Variants in TIMM8B observed in about 807,000 individuals in gnomAD.
The protein encoded by TIMM8B is translocase of inner mitochondrial membrane 8 homolog B.
A neutral mutation model predicts 8.5 loss-of-function variants in TIMM8B; 5 were observed. The observed-to-expected ratio is 0.59, with a 90% CI of 0.31 to 1.24. TIMM8B has a LOEUF of 1.24. TIMM8B is among the 50% of genes most tolerant of loss of function. The probability of loss-of-function intolerance (pLI) is 0.07; values close to 1 mark genes in which losing one functional copy is unlikely to be tolerated. For missense variants in TIMM8B, 104 were observed against 109.2 expected (o/e 0.95, Z 0.21); for synonymous variants, 44 against 39.9 (o/e 1.10, Z -0.39).
intron 1 of TIMM8B, 62 bp downstream of exon 1, chr11:112,086,578 C>T (rs1865604269): frequency 6.7e-7 from 1 of 1,497,882 alleles, no homozygotes; most frequent in African/African-American, 1.4e-5. Context: ...GACCTCCGAG[C>T]GTGCCCAGGA....
At chr11:112,086,354 G>GC in intron 1 of TIMM8B, 2 of 604,822 alleles carry the variant, frequency 3.3e-6, no homozygotes, top group Non-Finnish European at 6.1e-6. Flanking sequence ...TCTTTCGAAT[G>GC]CCAGCCCAGT....
At position 112,086,133 on chromosome 11, in the gene TIMM8B, A is replaced by ACC. The variant is rs1865591934; in HGVS notation, c.84+505_84+506dup. On this transcript the variant is annotated intron_variant, in intron 1 of 1. Coordinates refer to ENST00000504148, the MANE Select transcript of TIMM8B (RefSeq NM_012459.4). ...TAGAACCATGTCCGAAGGGCTCCAA[A>ACC]CCCTTGTTCTACATCCATAGTCTAC... 21 of 986,206 alleles carry ACC rather than the reference A, an allele frequency of 2.1e-5. No homozygotes were observed. In the South Asian group the frequency reaches 2.6e-4, roughly 12 times the overall value. 61.1% of individuals were successfully genotyped at this position (986,206 alleles called of 1,614,324 possible).
At position 112,085,129 on chromosome 11, in the gene TIMM8B, TAAATA is replaced by T. The variant is rs1865561231; in HGVS notation, c.*161_*165del. ...CAACCTGGAATTTCTGAATTCCAAA[TAAATA>T]AATTTCACTCTTTGAACATTTCATC... On this transcript the variant is annotated 3_prime_UTR_variant, in exon 2 of 2. Coordinates refer to ENST00000504148, the MANE Select transcript of TIMM8B (RefSeq NM_012459.4). 1 of 491,516 alleles carries T rather than the reference TAAATA, an allele frequency of 2.0e-6. No homozygotes were observed. Among genetic ancestry groups the T allele is most frequent in the African/African-American group, 1.9e-5 (1 of 52,134 alleles). 30.4% of individuals were successfully genotyped at this position (491,516 alleles called of 1,614,324 possible).
rs1017408830 is a variant in TIMM8B at position 112,085,035 on chromosome 11, T to A, written c.*260A>T. 8.6e-5 allele frequency: 28 copies of A among 325,600 alleles called. No individual in the cohort carries two copies. The Middle Eastern group carries it at 5.4e-3, about 62-fold the overall frequency. The allele number at this position is 325,600 out of a possible 1,614,324, so 20.2% of individuals were successfully genotyped here. The stretch of plus-strand genomic sequence containing the variant: ...TGTTCCTGCCAATCAGAGATCTCTA[T>A]ATTAAATTCTAAAATGGGATTAAAA... On this transcript the variant is annotated 3_prime_UTR_variant, in exon 2 of 2. Coordinates refer to ENST00000504148, the MANE Select transcript of TIMM8B (RefSeq NM_012459.4).
chr11:112,085,968 A>C, intron 1 of TIMM8B: 2 of 1,082,942 alleles, frequency 1.8e-6, no homozygotes, highest in Non-Finnish European at 2.3e-6. Flanking sequence ...CCATTTTACC[A>C]AGAGCTTACT....
chr11:112,086,111 A>G lies in TIMM8B; in HGVS notation c.84+529T>C, dbSNP rs565459130. The G allele has an allele frequency of 8.5e-6, 10 of 1,176,630 alleles. No individual in the cohort carries two copies. In the African/African-American group the frequency reaches 1.6e-4, roughly 19 times the overall value. The allele number at this position is 1,176,630 out of a possible 1,614,324, so 72.9% of individuals were successfully genotyped here. On this transcript the variant is annotated intron_variant, in intron 1 of 1. Transcript: ENST00000504148. Reference sequence around the variant, plus strand: ...CCAGCAAGAAGTCAGGCCGCGTTAGAACCATGTCCGAAGGGCTCCAAACCC... The same window carrying G: ...CCAGCAAGAAGTCAGGCCGCGTTAGGACCATGTCCGAAGGGCTCCAAACCC...
chr11:112,085,123 T>C lies in TIMM8B; in HGVS notation c.*172A>G. On this transcript the variant is annotated 3_prime_UTR_variant, in exon 2 of 2. Coordinates refer to ENST00000504148, the MANE Select transcript of TIMM8B (RefSeq NM_012459.4). Reference sequence around the variant, plus strand: ...GTCATACAACCTGGAATTTCTGAATTCCAAATAAATAAATTTCACTCTTTG... The same window carrying C: ...GTCATACAACCTGGAATTTCTGAATCCCAAATAAATAAATTTCACTCTTTG... 4.1e-6 allele frequency: 2 copies of C among 484,772 alleles called. No homozygotes were observed. Among genetic ancestry groups the C allele is most frequent in the Non-Finnish European group, 7.1e-6 (2 of 282,400 alleles). The allele number at this position is 484,772 out of a possible 1,614,324, so 30.0% of individuals were successfully genotyped here. A position where few individuals can be genotyped will look rare whatever the true frequency, so the allele number is the denominator to read the frequency against.
rs1396247943 is a variant in TIMM8B, at chr11:112,086,669, C to T, written c.55G>A (p.Glu19Lys). 1 of 1,601,744 alleles carries T rather than the reference C, an allele frequency of 6.2e-7. No individual in the cohort carries two copies. Among genetic ancestry groups the T allele is most frequent in the Non-Finnish European group, 8.5e-7 (1 of 1,178,498 alleles). ...GCAGTAAACTGCGCCTTCTGCTGCT[C>T]GGCGGCCACCAGGCGCTGCAACTCC... ...EAELQRLVAA[E>K]QQKAQFTAQV... The change falls in exon 1 of 2, where the codon GAG (glutamate) becomes AAG (lysine). Residue 19 changes from glutamate (E) to lysine (K), a missense_variant. Coordinates refer to ENST00000504148, the MANE Select transcript of TIMM8B (RefSeq NM_012459.4).
chr11:112,086,551 T>G (rs1865603400), intron 1 of TIMM8B, 89 bp downstream of exon 1: 8 of 1,471,554 alleles, frequency 5.4e-6, no homozygotes, highest in Non-Finnish European at 7.2e-6. Flanking sequence ...CGAGCACCAG[T>G]GAGCCGCCAG....
intron 1 of TIMM8B, chr11:112,086,025 A>C (rs1380352534): frequency 1.7e-6 from 2 of 1,163,332 alleles, no homozygotes; most frequent in African/African-American, 3.2e-5. Context: ...TAAGGTCCTC[A>C]AGGATAGCTG....
intron 1 of TIMM8B, chr11:112,085,937 C>A: frequency 5.0e-6 from 5 of 997,112 alleles, no homozygotes; most frequent in Non-Finnish European, 6.2e-6. Context: ...CACCCTCTTC[C>A]TCCCACCCAA....
Position 112,086,657 on chromosome 11 carries a change from C to T in TIMM8B, c.67G>A (p.Ala23Thr). ...QRLVAAEQQK[A>T]QFTAQVHHFM... ...CCCCGCACCTGTGCAGTAAACTGCGCCTTCTGCTGCTCGGCGGCCACCAGG... is the reference window on the plus strand; with the variant it reads ...CCCCGCACCTGTGCAGTAAACTGCGTCTTCTGCTGCTCGGCGGCCACCAGG... The change falls in exon 1 of 2, where the codon GCG (alanine) becomes ACG (threonine). Residue 23 changes from alanine (A) to threonine (T), a missense_variant. Transcript: ENST00000504148. The T allele has an allele frequency of 6.2e-7, 1 of 1,600,350 alleles. No homozygotes were observed. Among genetic ancestry groups the T allele is most frequent in the African/African-American group, 1.3e-5 (1 of 74,986 alleles).
In TIMM8B at chr11:112,086,750, G is replaced by C; in HGVS notation, c.-27C>G. The C allele has an allele frequency of 6.2e-7, 1 of 1,601,092 alleles. No individual in the cohort carries two copies. The highest frequency in any genetic ancestry group is 8.5e-7 in the Non-Finnish European group (1 of 1,174,814). ...GTTCGCCTCAGGCTCGCCACCTTCC[G>C]ACAGCTGTGTTTGCGCATGCGCGAC... On this transcript the variant is annotated 5_prime_UTR_variant, in exon 1 of 2. Transcript: ENST00000504148.
chr11:112,086,024 C>G, intron 1 of TIMM8B: 1 of 1,163,366 alleles, frequency 8.6e-7, no homozygotes, highest in Non-Finnish European at 1.1e-6. Flanking sequence ...CTAAGGTCCT[C>G]AAGGATAGCT....
rs1226934752 is a variant in TIMM8B, at chr11:112,085,516, T to C, written c.85-54A>G. The C allele has an allele frequency of 6.2e-6, 9 of 1,463,406 alleles. No homozygotes were observed. In the South Asian group the frequency reaches 6.5e-5, roughly 11 times the overall value. The allele number at this position is 1,463,406 out of a possible 1,614,324, so 90.7% of individuals were successfully genotyped here. A position where few individuals can be genotyped will look rare whatever the true frequency, so the allele number is the denominator to read the frequency against. ...GGGGTCTGCAGATAGGCCTAACTCT[T>C]GTTTATTAACTTCTCACTTTTTGAC... On this transcript the variant is annotated intron_variant, in intron 1 of 1. Coordinates refer to ENST00000504148, the MANE Select transcript of TIMM8B (RefSeq NM_012459.4).
At chr11:112,085,486 C>A in intron 1 of TIMM8B, 24 bp from the exon 2 acceptor site, 2 of 1,598,026 alleles carry the variant, frequency 1.3e-6, no homozygotes, top group South Asian at 1.1e-5. Context: ...AAAATAGTAA[C>A]CATTGGGGTC....
At chr11:112,086,372 C>T (rs1269473685) in intron 1 of TIMM8B, 11 of 637,886 alleles carry the variant, frequency 1.7e-5, no homozygotes, top group African/African-American at 7.2e-5. Flanking sequence ...AGTCATGTCG[C>T]CGGCTAACTA....
In TIMM8B at chr11:112,084,985, C is replaced by T. The variant is rs1865556335; in HGVS notation, c.*310G>A. The T allele has an allele frequency of 4.6e-6, 1 of 216,346 alleles. No homozygotes were observed. Among genetic ancestry groups the T allele is most frequent in the Non-Finnish European group, 9.1e-6 (1 of 109,388 alleles). 13.4% of individuals were successfully genotyped at this position (216,346 alleles called of 1,614,324 possible). A position where few individuals can be genotyped will look rare whatever the true frequency, so the allele number is the denominator to read the frequency against. On this transcript the variant is annotated 3_prime_UTR_variant, in exon 2 of 2. Coordinates refer to ENST00000504148, the MANE Select transcript of TIMM8B (RefSeq NM_012459.4). Reference sequence around the variant, plus strand: ...AACCTACAATCCCCCATTTGCACTACTGGCCATGGAACATTTATTTCTAGT... The same window carrying T: ...AACCTACAATCCCCCATTTGCACTATTGGCCATGGAACATTTATTTCTAGT...
Position 112,086,739 on chromosome 11 carries a change from C to T in TIMM8B, c.-16G>A. The T allele has an allele frequency of 2.5e-6, 4 of 1,600,576 alleles. No homozygotes were observed. Among genetic ancestry groups the T allele is most frequent in the Non-Finnish European group, 3.4e-6 (4 of 1,174,944 alleles). On this transcript the variant is annotated 5_prime_UTR_variant, in exon 1 of 2. Transcript: ENST00000504148. ...GCTCCGCCATTGTTCGCCTCAGGCT[C>T]GCCACCTTCCGACAGCTGTGTTTGC...
Sources: gnomAD v4.1 joint callset for allele counts on GRCh38, gnomAD v4.1.1 for gene constraint, MANE v1.5 for transcripts, NCBI Gene and HGNC (gene_info 2026-07-23, HGNC 2026-07-21) for gene names.